The following CFHR5 variants were observed in gnomAD, a reference collection of about 807,000 sequenced individuals.
CFHR5 encodes complement factor H related 5, also known as complement factor H-related protein 5.
A neutral mutation model predicts 62.9 loss-of-function variants in CFHR5; 73 were observed. The observed-to-expected ratio is 1.16, with a 90% CI of 0.96 to 1.41. The LOEUF (loss-of-function observed/expected upper bound fraction) is 1.41. Among genes scored for constraint, CFHR5 ranks in the 40% most tolerant of loss-of-function variants. The pLI is 0.00. For synonymous variants in CFHR5, 249 were observed against 227.2 expected, an observed-to-expected ratio of 1.10 and a Z score of -0.86; for missense variants, 779 against 679.9, an observed-to-expected ratio of 1.15 and a Z score of -1.62.
chr1:196,976,273 CTG>C (rs2125023098), upstream of CFHR5, among the ~76,000 whole-genome samples: 1 of 152,280 alleles, frequency 6.6e-6, no homozygotes, highest in South Asian at 2.1e-4. Flanking sequence ...TAGGCTGTTT[CTG>C]TAAATTTCCC....
intron 7 of CFHR5, among the ~76,000 whole-genome samples, chr1:197,000,270 C>T (rs1558289302): frequency 6.6e-6 from 1 of 152,072 alleles, no homozygotes; most frequent in African/African-American, 2.4e-5. Context: ...ATATTTGTTA[C>T]ACACCTTGCT....
intron 9 of CFHR5, among the ~76,000 whole-genome samples, chr1:197,006,404 C>T (rs998559441): frequency 2.0e-5 from 3 of 152,004 alleles, no homozygotes; most frequent in South Asian, 2.1e-4. Context: ...TAAGATTAGA[C>T]AGCTCTGAAG....
chr1:196,981,066 C>A (rs1231530021), intron 1 of CFHR5, among the ~76,000 whole-genome samples: 1 of 151,986 alleles, frequency 6.6e-6, no homozygotes, highest in East Asian at 1.9e-4. Context: ...TTAAATACCA[C>A]AAGAATTATT....
At position 196,998,295 on chromosome 1, in the gene CFHR5, G is replaced by A. The variant is rs1654046785; in HGVS notation, c.1138G>A (p.Asp380Asn). 1.2e-6 allele frequency: 2 copies of A among 1,610,496 alleles called. No individual in the cohort carries two copies. The highest frequency in any genetic ancestry group is 4.5e-5 in the East Asian group (2 of 44,706). The change falls in exon 7 of 10, where the codon GAC becomes AAC. Residue 380 changes from aspartate (D) to asparagine (N), a missense_variant. Transcript: ENST00000256785. Reference sequence around the variant, plus strand: ...AAACGGGAAATGGAATCCTGAAGTAGACTGCACAGGTAAGATTTGTTTAAA... The same window carrying A: ...AAACGGGAAATGGAATCCTGAAGTAAACTGCACAGGTAAGATTTGTTTAAA... Reference protein sequence around the residue: ...CINGKWNPEVDCTEKREQFCP... With the variant: ...CINGKWNPEVNCTEKREQFCP...
intron 7 of CFHR5, among the ~76,000 whole-genome samples, chr1:196,998,926 C>A (rs1654062051): frequency 6.6e-6 from 1 of 151,956 alleles, no homozygotes; most frequent in African/African-American, 2.4e-5. Flanking sequence ...GACTTCTCAT[C>A]AGCAACGTCA....
At chr1:196,999,684 T>TATATAC in intron 7 of CFHR5, among the ~76,000 whole-genome samples, 1 of 2,230 alleles carries the variant, frequency 4.5e-4, no homozygotes, top group African/African-American at 8.8e-4. Context: ...TGGGAAAAAG[T>TATATAC]ATATATATAT....
At position 196,995,751 on chromosome 1, in the gene CFHR5, C is replaced by T. The variant is rs1441025950; in HGVS notation, c.642C>T (p.Leu214=). 6.2e-7 allele frequency: 1 copy of T among 1,613,202 alleles called. No individual in the cohort carries two copies. Residue 214 remains leucine (L), a synonymous_variant, in exon 5 of 10, where the codon CTC becomes CTT. Transcript: ENST00000256785. ...QVRSCGPPPQ[L]SNGEVKEIRK... ...GATCATGTGGTCCACCTCCTCAACTCTCCAATGGTGAAGTTAAGGAGATAA... is the reference window on the plus strand; with the variant it reads ...GATCATGTGGTCCACCTCCTCAACTTTCCAATGGTGAAGTTAAGGAGATAA...
chr1:196,991,636 T>A (rs1653849610), intron 3 of CFHR5, among the ~76,000 whole-genome samples: 1 of 152,196 alleles, frequency 6.6e-6, no homozygotes, highest in African/African-American at 2.4e-5. Flanking sequence ...CAGCTGCAGG[T>A]CTGTTGGATT....
chr1:196,990,552 G>T (rs971883201), intron 3 of CFHR5, among the ~76,000 whole-genome samples: 17 of 152,230 alleles, frequency 1.1e-4, no homozygotes, highest in African/African-American at 4.1e-4. Flanking sequence ...AGGAGCTCTT[G>T]TAAGGCAGAC....
At chr1:196,979,081 T>G (rs1158237707) in intron 1 of CFHR5, among the ~76,000 whole-genome samples, 1 of 152,196 alleles carries the variant, frequency 6.6e-6, no homozygotes, top group African/African-American at 2.4e-5. Flanking sequence ...GAAAACTGCA[T>G]GCTTCCAGTA....
At chr1:196,990,439 T>TTAGC (rs1348427891) in intron 3 of CFHR5, among the ~76,000 whole-genome samples, 1 of 152,134 alleles carries the variant, frequency 6.6e-6, no homozygotes, top group Non-Finnish European at 1.5e-5. Context: ...ATTTTGCCCG[T>TTAGC]TAGTTGATGC....
At chr1:196,995,949 T>A in intron 5 of CFHR5, 50 bp downstream of exon 5, 1 of 1,591,326 alleles carries the variant, frequency 6.3e-7, no homozygotes, top group Non-Finnish European at 8.6e-7. Flanking sequence ...ACTTTGCACT[T>A]ATATATAAAT....
Position 196,997,221 on chromosome 1 carries a change from T to C in CFHR5, c.971-907T>C, listed in dbSNP as rs1654015901. On this transcript the variant is annotated intron_variant, in intron 6 of 9. Transcript: ENST00000256785. The stretch of plus-strand genomic sequence containing the variant: ...GCCAGCCGTTGTCCCAGCAAATACC[T>C]GGTCAGTGGCCATCCGTGATGACCT... 2.0e-5 allele frequency among the ~76,000 whole-genome samples: 3 copies of C among 152,274 alleles called. No homozygotes were observed. In the South Asian group the frequency reaches 6.2e-4, roughly 32 times the overall value.
chr1:197,005,938 G>A (rs759874876), intron 9 of CFHR5, among the ~76,000 whole-genome samples: 3 of 152,272 alleles, frequency 2.0e-5, no homozygotes, highest in South Asian at 4.1e-4. Context: ...AACTCAGAAA[G>A]TGTTGAGTTA....
rs573196112 is a variant in CFHR5 at position 196,986,231 on chromosome 1, A to G, written c.430+2094A>G. On this transcript the variant is annotated intron_variant, in intron 3 of 9. Transcript: ENST00000256785. ...TTATTCATGTAAGGTAACATCTTGC[A>G]AGTTATGGTAATCCATGTTGCAGGG... 1.7e-4 allele frequency among the ~76,000 whole-genome samples: 26 copies of G among 152,262 alleles called. No homozygotes were observed. In the South Asian group the frequency reaches 5.2e-3, roughly 30 times the overall value.
intron 7 of CFHR5, among the ~76,000 whole-genome samples, chr1:196,999,549 T>C (rs1654077147): frequency 6.6e-6 from 1 of 151,054 alleles, no homozygotes; most frequent in Non-Finnish European, 1.5e-5. Context: ...AATAACCTAG[T>C]GATGTAATGT....
At chr1:196,994,998 A>C (rs1182906964) in intron 4 of CFHR5, among the ~76,000 whole-genome samples, 1 of 152,160 alleles carries the variant, frequency 6.6e-6, no homozygotes, top group Admixed American at 6.6e-5. Context: ...GGTTCTTCCC[A>C]CAACACATAG....
Position 196,995,607 on chromosome 1 carries a change from T to C in CFHR5, c.608-110T>C, listed in dbSNP as rs983613211. 3 of 877,792 alleles carry C rather than the reference T, an allele frequency of 3.4e-6. No homozygotes were observed. In the South Asian group the frequency reaches 4.2e-5, roughly 12 times the overall value. 54.4% of individuals were successfully genotyped at this position (877,792 alleles called of 1,614,324 possible). A position where few individuals can be genotyped will look rare whatever the true frequency, so the allele number is the denominator to read the frequency against. On this transcript the variant is annotated intron_variant, in intron 4 of 9. Transcript: ENST00000256785. The stretch of plus-strand genomic sequence containing the variant: ...TGCAAAAAACACATGTCCCCAAAAA[T>C]AGAAGTGCAATATAAAGGCAATTAA...
intron 3 of CFHR5, among the ~76,000 whole-genome samples, chr1:196,989,280 C>T (rs1309693470): frequency 2.6e-5 from 4 of 152,038 alleles, no homozygotes. Flanking sequence ...ATTAGTCTTG[C>T]TAGCAGTCTG....
Sources: allele counts gnomAD v4.1 joint callset (sites outside exome capture counted in the v4.1 genomes callset), GRCh38; gene constraint gnomAD v4.1.1; transcripts MANE v1.5; gene names NCBI Gene and HGNC (gene_info 2026-07-23, HGNC 2026-07-21).